The following PLOD2 variants were observed in gnomAD, a reference collection of about 807,000 sequenced individuals.
The protein encoded by PLOD2 is procollagen-lysine,2-oxoglutarate 5-dioxygenase 2, also known as lysine hydroxylase 2.
A neutral mutation model predicts 101.0 loss-of-function variants in PLOD2; 65 were observed. The observed-to-expected ratio is 0.64, with a 90% confidence interval of 0.53 to 0.79. The LOEUF is 0.79. PLOD2 is among the 30% of genes least tolerant of loss of function. The pLI is 0.00. For missense variants in PLOD2, 909 were observed against 914.6 expected (o/e 0.99, Z 0.08); for synonymous variants, 314 against 302.9 (o/e 1.04, Z -0.38).
chr3:146,148,329 G>C (rs374317305), intron 1 of PLOD2, among the ~76,000 whole-genome samples: 3 of 57,518 alleles, frequency 5.2e-5, no homozygotes, highest in Non-Finnish European at 3.6e-5. Context: ...CAGGCAGGCA[G>C]GCAGGCACGC....
At chr3:146,135,194 G>C (rs189760956) in intron 1 of PLOD2, among the ~76,000 whole-genome samples, 84 of 152,294 alleles carry the variant, frequency 5.5e-4, no homozygotes, top group African/African-American at 1.8e-3. Flanking sequence ...TGTCTTGAAA[G>C]TTTTATAGCA....
chr3:146,150,449 ATTATCC>A (rs2032002782), intron 1 of PLOD2, among the ~76,000 whole-genome samples: 1 of 152,176 alleles, frequency 6.6e-6, no homozygotes, highest in Non-Finnish European at 1.5e-5. Context: ...GCTGGAGGCT[ATTATCC>A]TTAGCAAACT....
At chr3:146,102,672 T>C in intron 7 of PLOD2, 83 bp downstream of exon 7, 1 of 742,232 alleles carries the variant, frequency 1.3e-6, no homozygotes, top group Middle Eastern at 2.9e-4. Context: ...AAGAAATTTT[T>C]AAAAATAAAA....
At chr3:146,133,506 C>T (rs958798194) in intron 1 of PLOD2, among the ~76,000 whole-genome samples, 5 of 152,210 alleles carry the variant, frequency 3.3e-5, no homozygotes, top group Admixed American at 6.5e-5. Context: ...TCTACTTCTG[C>T]GTCTCAACAA....
At chr3:146,109,206 G>A (rs1937584771) in intron 4 of PLOD2, among the ~76,000 whole-genome samples, 1 of 152,168 alleles carries the variant, frequency 6.6e-6, no homozygotes, top group South Asian at 2.1e-4. Flanking sequence ...TTGGAGAAAA[G>A]AAAATGGTCA....
At position 146,161,084 on chromosome 3, in the gene PLOD2, C is replaced by G; in HGVS notation, c.-95G>C. On this transcript the variant is annotated 5_prime_UTR_variant, in exon 1 of 20. Coordinates refer to ENST00000282903, the MANE Select transcript of PLOD2 (RefSeq NM_182943.3). ...GCAGAGACCCGGGTCCGCCCTGAGC[C>G]GCCGATTGCGGGCGGGAGCCGGCGG... 1 of 757,818 alleles carries G rather than the reference C, an allele frequency of 1.3e-6. No homozygotes were observed. The highest frequency in any genetic ancestry group is 2.8e-5 in the South Asian group (1 of 35,476). 46.9% of individuals were successfully genotyped at this position (757,818 alleles called of 1,614,324 possible). A position where few individuals can be genotyped will look rare whatever the true frequency, so the allele number is the denominator to read the frequency against.
intron 11 of PLOD2, among the ~76,000 whole-genome samples, chr3:146,082,929 T>C (rs1936613937): frequency 6.6e-6 from 1 of 152,018 alleles, no homozygotes; most frequent in Non-Finnish European, 1.5e-5. Flanking sequence ...ATACACATCA[T>C]GCAAAATAAT....
chr3:146,094,029 T>C (rs1937065480), intron 7 of PLOD2, among the ~76,000 whole-genome samples: 1 of 152,168 alleles, frequency 6.6e-6, no homozygotes, highest in Admixed American at 6.5e-5. Flanking sequence ...TACATCTGTT[T>C]TCCTCATGAA....
intron 14 of PLOD2, chr3:146,077,225 G>A: frequency 1.0e-6 from 1 of 990,080 alleles, no homozygotes; most frequent in Admixed American, 5.6e-5. Context: ...TTGAGACACA[G>A]TGCAATGAAT....
At chr3:146,147,914 G>A (rs1048006321) in intron 1 of PLOD2, among the ~76,000 whole-genome samples, 3 of 152,200 alleles carry the variant, frequency 2.0e-5, no homozygotes, top group African/African-American at 2.4e-5. Flanking sequence ...GTTGCCATAC[G>A]GGAAGGAAAA....
intron 12 of PLOD2, among the ~76,000 whole-genome samples, chr3:146,080,948 G>A (rs963480475): frequency 4.0e-5 from 6 of 151,840 alleles, no homozygotes; most frequent in Admixed American, 1.3e-4. Flanking sequence ...GAACAGAAAC[G>A]TGTGCCTTTT....
chr3:146,096,903 G>T (rs1363730062), intron 7 of PLOD2, among the ~76,000 whole-genome samples: 1 of 115,348 alleles, frequency 8.7e-6, no homozygotes, highest in Admixed American at 8.9e-5. Flanking sequence ...TCGGCCAGCC[G>T]CCCCGTCCAG....
chr3:146,106,404 T>G, intron 5 of PLOD2, 128 bp downstream of exon 5: 1 of 693,350 alleles, frequency 1.4e-6, no homozygotes. Context: ...GTTTTCAACA[T>G]TTTGAAATTC....
chr3:146,121,904 T>C (rs2030185027), intron 2 of PLOD2, among the ~76,000 whole-genome samples: 1 of 152,186 alleles, frequency 6.6e-6, no homozygotes, highest in Non-Finnish European at 1.5e-5. Context: ...TGGAAATGCA[T>C]GATGACACAC....
chr3:146,147,388 G>A (rs1350978880), intron 1 of PLOD2, among the ~76,000 whole-genome samples: 1 of 152,152 alleles, frequency 6.6e-6, no homozygotes, highest in Non-Finnish European at 1.5e-5. Flanking sequence ...AGTGCAAATT[G>A]GGAAATGATA....
intron 1 of PLOD2, among the ~76,000 whole-genome samples, chr3:146,157,297 T>C (rs1665373134): frequency 6.6e-6 from 1 of 152,172 alleles, no homozygotes. Context: ...CCCTTCACTT[T>C]GAAGAGTTTA....
At chr3:146,072,742 T>G in intron 16 of PLOD2, 77 bp from the exon 17 acceptor site, 1 of 885,840 alleles carries the variant, frequency 1.1e-6, no homozygotes, top group Non-Finnish European at 1.8e-6. Context: ...TTTTAATATG[T>G]GTAAAATAAA....
intron 1 of PLOD2, among the ~76,000 whole-genome samples, chr3:146,130,568 G>A (rs556345241): frequency 6.6e-6 from 1 of 152,278 alleles, no homozygotes; most frequent in Admixed American, 6.5e-5. Context: ...AGTGGACTCA[G>A]GGGCAAGTAA....
intron 1 of PLOD2, among the ~76,000 whole-genome samples, chr3:146,146,723 C>T (rs1223582676): frequency 6.6e-6 from 1 of 152,296 alleles, no homozygotes; most frequent in South Asian, 2.1e-4. Flanking sequence ...CCTGATTCCC[C>T]GCTGGGACAG....
Sources: allele counts gnomAD v4.1 joint callset (sites outside exome capture counted in the v4.1 genomes callset), GRCh38; gene constraint gnomAD v4.1.1; transcripts MANE v1.5; gene names NCBI Gene and HGNC (gene_info 2026-07-23, HGNC 2026-07-21).